Variants in RBMS3 observed in about 807,000 individuals in gnomAD.
RBMS3 encodes RNA-binding motif, single-stranded-interacting protein 3.
A neutral mutation model predicts 66.8 loss-of-function variants in RBMS3; 27 were observed. That is an observed-to-expected ratio of 0.40 (90% confidence interval 0.30 to 0.56). The LOEUF (loss-of-function observed/expected upper bound fraction) is 0.56. RBMS3 is among the 20% of genes least tolerant of loss of function. RBMS3 has a pLI of 0.40. For synonymous variants in RBMS3, 188 were observed against 183.0 expected, an observed-to-expected ratio of 1.03 and a Z score of -0.22; for missense variants, 513 against 549.5, an observed-to-expected ratio of 0.93 and a Z score of 0.66.
chr3:29,644,017 G>A (rs2049825564), intron 4 of RBMS3, among the ~76,000 whole-genome samples: 1 of 152,154 alleles, frequency 6.6e-6, no homozygotes, highest in African/African-American at 2.4e-5. Context: ...GGTTTCAGTG[G>A]CAGTATGCCG....
chr3:29,950,477 C>T (rs530311793), intron 12 of RBMS3, among the ~76,000 whole-genome samples: 1 of 151,866 alleles, frequency 6.6e-6, no homozygotes, highest in South Asian at 2.1e-4. Context: ...CACTTGGTTC[C>T]GTTTTTAAAT....
chr3:29,599,879 AT>A (rs1345209493), intron 4 of RBMS3, among the ~76,000 whole-genome samples: 1 of 152,148 alleles, frequency 6.6e-6, no homozygotes, highest in Non-Finnish European at 1.5e-5. Context: ...ATCTTAATCC[AT>A]AAAGTATTCA....
chr3:29,773,804 C>T (rs78981226), intron 6 of RBMS3, among the ~76,000 whole-genome samples: 5,107 of 152,122 alleles, frequency 0.034, 122 homozygotes, highest in South Asian at 0.12. Flanking sequence ...GTATCAATAT[C>T]CCAGTTCTTC....
At chr3:29,586,480 T>C (rs1425740144) in intron 3 of RBMS3, among the ~76,000 whole-genome samples, 1 of 152,132 alleles carries the variant, frequency 6.6e-6, no homozygotes, top group African/African-American at 2.4e-5. Context: ...TATTTAATCA[T>C]TCTTTTTCAC....
intron 4 of RBMS3, among the ~76,000 whole-genome samples, chr3:29,690,205 T>G (rs1409929137): frequency 4.6e-5 from 7 of 152,072 alleles, no homozygotes; most frequent in Non-Finnish European, 5.9e-5. Context: ...ATCACAGCAC[T>G]TTGGAAGCCC....
At chr3:29,909,849 C>G (rs1040636939) in intron 10 of RBMS3, among the ~76,000 whole-genome samples, 1 of 152,130 alleles carries the variant, frequency 6.6e-6, no homozygotes, top group East Asian at 1.9e-4. Context: ...TACTAACAAC[C>G]TTTAAAATGA....
chr3:29,893,337 T>A (rs983913099), intron 8 of RBMS3, among the ~76,000 whole-genome samples: 1 of 151,572 alleles, frequency 6.6e-6, no homozygotes, highest in African/African-American at 2.4e-5. Context: ...GCTTTCTTTA[T>A]GTTTCTGTTC....
intron 3 of RBMS3, among the ~76,000 whole-genome samples, chr3:29,526,635 C>G (rs1014881616): frequency 7.1e-6 from 1 of 141,724 alleles, no homozygotes; most frequent in Non-Finnish European, 1.5e-5. Flanking sequence ...TTTAGAGCCT[C>G]TTTTTAATAC....
At chr3:29,883,535 G>A (rs755365558) in intron 7 of RBMS3, among the ~76,000 whole-genome samples, 1 of 152,016 alleles carries the variant, frequency 6.6e-6, no homozygotes, top group Non-Finnish European at 1.5e-5. Flanking sequence ...TACTTTTTCA[G>A]AGGTGGTCTT....
chr3:29,928,211 T>TATACACAC (rs1291440563), intron 10 of RBMS3, among the ~76,000 whole-genome samples: 190 of 93,480 alleles, frequency 2.0e-3, no homozygotes, highest in Middle Eastern at 6.0e-3. Context: ...TATATATATA[T>TATACACAC]ACACACACAC....
At chr3:29,628,135 A>C (rs2049139972) in intron 4 of RBMS3, among the ~76,000 whole-genome samples, 1 of 152,176 alleles carries the variant, frequency 6.6e-6, no homozygotes, top group African/African-American at 2.4e-5. Flanking sequence ...AGGGAGTGAT[A>C]CATCTGTTAT....
intron 4 of RBMS3, chr3:29,641,010 A>G (rs2049683105): frequency 6.6e-6 from 1 of 151,992 alleles, no homozygotes; most frequent in African/African-American, 2.4e-5. Flanking sequence ...GCACAAAATA[A>G]ATTAGCTATG....
chr3:29,618,461 G>A (rs1299615093), intron 4 of RBMS3, among the ~76,000 whole-genome samples: 4 of 151,920 alleles, frequency 2.6e-5, no homozygotes, highest in Non-Finnish European at 2.9e-5. Flanking sequence ...AGCCGAGATC[G>A]TACCATTGTA....
At chr3:29,571,078 G>T (rs1178657240) in intron 3 of RBMS3, among the ~76,000 whole-genome samples, 1 of 152,120 alleles carries the variant, frequency 6.6e-6, no homozygotes, top group African/African-American at 2.4e-5. Flanking sequence ...CTGATGATCA[G>T]TGATATTGAG....
intron 3 of RBMS3, among the ~76,000 whole-genome samples, chr3:29,543,164 A>C (rs1393415249): frequency 2.0e-5 from 3 of 152,162 alleles, no homozygotes; most frequent in Non-Finnish European, 4.4e-5. Flanking sequence ...GTTTAGGATT[A>C]GAGGTGAGTA....
At chr3:29,336,153 CAAGT>C (rs199898239) in intron 1 of RBMS3, among the ~76,000 whole-genome samples, 1,933 of 152,208 alleles carry the variant, frequency 0.013, 25 homozygotes, top group Non-Finnish European at 0.019. Flanking sequence ...AGTTCTCAAA[CAAGT>C]AAGAAAAAAT....
intron 4 of RBMS3, among the ~76,000 whole-genome samples, chr3:29,598,491 T>A (rs2048036738): frequency 6.6e-6 from 1 of 152,122 alleles, no homozygotes; most frequent in African/African-American, 2.4e-5. Flanking sequence ...TTAATATCTC[T>A]TTAGTCTATA....
At position 29,739,424 on chromosome 3, in the gene RBMS3, C is replaced by G. The variant is rs367901601; in HGVS notation, c.400-296C>G. Among the ~76,000 whole-genome samples the G allele has an allele frequency of 3.4e-5, 5 of 149,116 alleles. No individual in the cohort carries two copies. In the East Asian group the frequency reaches 7.9e-4, roughly 23 times the overall value. On this transcript the variant is annotated intron_variant, in intron 4 of 14. Transcript: ENST00000383767. The stretch of plus-strand genomic sequence containing the variant: ...TGAGTCGAGATCGCGCCACTGCACT[C>G]CAGCCTGGGCTACAGAGCGAGACTC...
chr3:29,590,122 T>C (rs2047676901), intron 4 of RBMS3, among the ~76,000 whole-genome samples: 1 of 152,056 alleles, frequency 6.6e-6, no homozygotes, highest in African/African-American at 2.4e-5. Context: ...CATGTTTCTT[T>C]TAGGAAATCA....
Sources: gnomAD v4.1 joint callset for allele counts (sites outside exome capture counted in the v4.1 genomes callset) on GRCh38, gnomAD v4.1.1 for gene constraint, MANE v1.5 for transcripts, NCBI Gene and HGNC (gene_info 2026-07-23, HGNC 2026-07-21) for gene names.